The following ABCC12 variants were observed in gnomAD, a reference collection of about 807,000 sequenced individuals.
The protein encoded by ABCC12 is ATP binding cassette subfamily C member 12.
ABCC12 carries 142 observed loss-of-function variants against 151.1 expected under a neutral mutation model. The observed-to-expected ratio is 0.94, with a 90% CI of 0.82 to 1.08. The LOEUF (loss-of-function observed/expected upper bound fraction) is 1.08. Ranked by LOEUF, ABCC12 falls within the 50% of genes least tolerant of loss-of-function variation. ABCC12 has a pLI of 0.00. For missense variants in ABCC12, 1,638 were observed against 1,691.1 expected (o/e 0.97, Z 0.55); for synonymous variants, 645 against 646.4 (o/e 1.00, Z 0.03).
In ABCC12 at chr16:48,141,431, T is replaced by C. The variant is rs558748645; in HGVS notation, c.276-78A>G. 21 of 1,565,742 alleles carry C rather than the reference T, an allele frequency of 1.3e-5. No homozygotes were observed. In the Admixed American group the frequency reaches 2.2e-4, roughly 17 times the overall value. ...TGAAGCTACGCTGTTGGGCATGCTC[T>C]TGCAAGGGTGCTCGGCAGAGCCCCC... On this transcript the variant is annotated intron_variant, in intron 4 of 30. Transcript: ENST00000311303.
Position 48,137,581 on chromosome 16 carries a change from C to T in ABCC12, c.979+647G>A, listed in dbSNP as rs11862669. 6.4e-3 allele frequency among the ~76,000 whole-genome samples: 982 copies of T among 152,266 alleles called. 5 individuals carry two copies. The highest frequency in any genetic ancestry group is 0.023 in the African/African-American group (950 of 41,520). ...CTAGAGGGCAGATACACAGCTTTGG[C>T]CCAATTCCATGCTGGTGCAAAAGTG... is the stretch of plus-strand genomic sequence containing the variant. On this transcript the variant is annotated intron_variant, in intron 8 of 30. Transcript: ENST00000311303.
rs771670747 is a variant in ABCC12, at chr16:48,115,546, C to G, written c.1858G>C (p.Asp620His). 2 of 1,614,216 alleles carry G rather than the reference C, an allele frequency of 1.2e-6. No individual in the cohort carries two copies. The highest frequency in any genetic ancestry group is 1.7e-6 in the Non-Finnish European group (2 of 1,180,036). Reference protein sequence around the residue: ...RISLARAVYSDRQLYLLDDPL... With the variant: ...RISLARAVYSHRQLYLLDDPL... ...TCGTCCAGCAGGTAGAGCTGACGGT[C>G]GGAGTAGACAGCGCGGGCCAGGCTA... The change falls in exon 15 of 31, where the codon GAC (aspartate) becomes CAC (histidine). Residue 620 changes from aspartate (D) to histidine (H), a missense_variant. Coordinates refer to ENST00000311303, the MANE Select transcript of ABCC12 (RefSeq NM_001393797.1).
At chr16:48,089,503 C>A (rs1401434699) in intron 25 of ABCC12, among the ~76,000 whole-genome samples, 1 of 152,100 alleles carries the variant, frequency 6.6e-6, no homozygotes, top group African/African-American at 2.4e-5. Context: ...AGGAGTAGAG[C>A]AGCTTGGCTT....
rs191585566 is a variant in ABCC12 at position 48,146,975 on chromosome 16, A to G, written c.-50-501T>C. On this transcript the variant is annotated intron_variant, in intron 2 of 30. Transcript: ENST00000311303. Reference sequence around the variant, plus strand: ...CATACACCCACACACACCCACGCACACACATGCACACACCCCTTCTTCTTT... The same window carrying G: ...CATACACCCACACACACCCACGCACGCACATGCACACACCCCTTCTTCTTT... 1.9e-3 allele frequency among the ~76,000 whole-genome samples: 284 copies of G among 152,150 alleles called. 1 individual carries two copies. Among genetic ancestry groups the G allele is most frequent in the African/African-American group, 6.5e-3 (271 of 41,504 alleles).
chr16:48,102,078 C>A (rs1479880356), intron 22 of ABCC12, among the ~76,000 whole-genome samples: 5 of 152,178 alleles, frequency 3.3e-5, no homozygotes, highest in African/African-American at 1.2e-4. Flanking sequence ...ACTTTCCCCG[C>A]CTAGGTAACA....
intron 24 of ABCC12, among the ~76,000 whole-genome samples, chr16:48,096,263 C>A (rs1010136729): frequency 6.6e-6 from 1 of 152,350 alleles, no homozygotes; most frequent in South Asian, 2.1e-4. Flanking sequence ...AGCTATGTGA[C>A]TTAAAGTTGG....
At chr16:48,130,728 G>C (rs1460343769) in intron 10 of ABCC12, 60 bp downstream of exon 10, 1 of 1,373,272 alleles carries the variant, frequency 7.3e-7, no homozygotes, top group Non-Finnish European at 1.0e-6. Context: ...CCACATATCT[G>C]AGCATTTTCC....
chr16:48,124,106 T>G, intron 12 of ABCC12, 107 bp downstream of exon 12: 1 of 1,154,792 alleles, frequency 8.7e-7, no homozygotes, highest in Non-Finnish European at 1.3e-6. Flanking sequence ...ACATGCACAG[T>G]GTCCAGTGCA....
At chr16:48,154,077 G>T (rs1054388153) in intron 1 of ABCC12, among the ~76,000 whole-genome samples, 193 bp from the exon 2 acceptor site, 1 of 152,098 alleles carries the variant, frequency 6.6e-6, no homozygotes, top group African/African-American at 2.4e-5. Flanking sequence ...AGTGCCAACC[G>T]GGCCAGGGTC....
rs748737415 is a variant in ABCC12, at chr16:48,128,654, G to A, written c.1320C>T (p.Thr440=). 5.6e-6 allele frequency: 9 copies of A among 1,614,140 alleles called. No individual in the cohort carries two copies. The Admixed American group carries it at 1.5e-4, about 27-fold the overall frequency. ...TGCTGGCTTCATGCTCCCATGTCAA[G>A]GTGGCATTTGCTAAAAGCAAGACAG... ...PDTVLLLANA[T]LTWEHEASRK... Residue 440 remains threonine, a synonymous_variant, in exon 11 of 31, where the codon ACC becomes ACT. Coordinates refer to ENST00000311303, the MANE Select transcript of ABCC12 (RefSeq NM_001393797.1).
rs780822139 is a variant in ABCC12 at position 48,117,242 on chromosome 16, C to A, written c.1785+19G>T. Reference sequence around the variant, plus strand: ...ACTGTGTGCAGCTACAGTGGGCTTGCGCTCCCAGCCCCGCTCACCTCAGTC... The same window carrying A: ...ACTGTGTGCAGCTACAGTGGGCTTGAGCTCCCAGCCCCGCTCACCTCAGTC... On this transcript the variant is annotated intron_variant, in intron 14 of 30. Coordinates refer to ENST00000311303, the MANE Select transcript of ABCC12 (RefSeq NM_001393797.1). The A allele has an allele frequency of 1.2e-6, 2 of 1,608,960 alleles. No homozygotes were observed. The highest frequency in any genetic ancestry group is 1.7e-6 in the Non-Finnish European group (2 of 1,177,498).
At chr16:48,154,823 G>A (rs1350438786) in intron 1 of ABCC12, among the ~76,000 whole-genome samples, 7 of 152,240 alleles carry the variant, frequency 4.6e-5, no homozygotes, top group African/African-American at 1.4e-4. Context: ...CCAAAAGCAG[G>A]CACACCTTTA....
rs573454024 is a variant in ABCC12 at position 48,105,160 on chromosome 16, C to A, written c.2652G>T (p.Leu884=). ...CTACCTTATCAAACACCGTGTCATGCAGAGAGGAGGATGCCATCAGTGTGG... is the reference window on the plus strand; with the variant it reads ...CTACCTTATCAAACACCGTGTCATGAAGAGAGGAGGATGCCATCAGTGTGG... ...TKTTLMASSS[L]HDTVFDKILK... is the part of the protein sequence containing the mutation. Residue 884 remains leucine, a synonymous_variant, in exon 21 of 31, where the codon CTG becomes CTT. Coordinates refer to ENST00000311303, the MANE Select transcript of ABCC12 (RefSeq NM_001393797.1). 3.7e-6 allele frequency: 6 copies of A among 1,614,154 alleles called. No homozygotes were observed. The East Asian group carries it at 6.7e-5, about 18-fold the overall frequency.
intron 13 of ABCC12, among the ~76,000 whole-genome samples, chr16:48,119,448 C>A (rs937460949): frequency 2.0e-5 from 3 of 152,278 alleles, no homozygotes; most frequent in African/African-American, 7.2e-5. Context: ...AATAAGGCAA[C>A]CCTCTGTCCA....
intron 22 of ABCC12, among the ~76,000 whole-genome samples, chr16:48,103,711 C>G (rs893605515): frequency 6.6e-6 from 1 of 152,218 alleles, no homozygotes; most frequent in African/African-American, 2.4e-5. Flanking sequence ...GGAATCATGG[C>G]TGTCCTCCTG....
chr16:48,146,138 G>T (rs552452156), intron 3 of ABCC12, among the ~76,000 whole-genome samples, 168 bp downstream of exon 3: 3 of 152,336 alleles, frequency 2.0e-5, no homozygotes, highest in South Asian at 4.1e-4. Context: ...GACAGGAGGA[G>T]GCAAGGAAGT....
chr16:48,150,611 T>A (rs1596633868), intron 2 of ABCC12, among the ~76,000 whole-genome samples: 1 of 152,182 alleles, frequency 6.6e-6, no homozygotes, highest in Non-Finnish European at 1.5e-5. Flanking sequence ...ATGACTATAT[T>A]TGTAGTAAGA....
intron 2 of ABCC12, among the ~76,000 whole-genome samples, chr16:48,152,069 C>T (rs1242017926): frequency 6.6e-6 from 1 of 152,148 alleles, no homozygotes; most frequent in Non-Finnish European, 1.5e-5. Flanking sequence ...TTGGCATGAC[C>T]GTGAAAGACT....
intron 8 of ABCC12, among the ~76,000 whole-genome samples, chr16:48,136,086 C>T (rs763531581): frequency 1.3e-5 from 2 of 152,208 alleles, no homozygotes; most frequent in African/African-American, 2.4e-5. Flanking sequence ...AGCAAACTGT[C>T]TTCGAAGGTT....
Sources: allele counts gnomAD v4.1 joint callset (sites outside exome capture counted in the v4.1 genomes callset), GRCh38; gene constraint gnomAD v4.1.1; transcripts MANE v1.5; gene names NCBI Gene and HGNC (gene_info 2026-07-23, HGNC 2026-07-21).